The following TULP4 variants were observed in gnomAD, a reference collection of about 807,000 sequenced individuals.
TULP4 encodes the protein TUB like protein 4, also known as tubby-related protein 4.
A neutral mutation model predicts 129.0 loss-of-function variants in TULP4; 16 were observed. The ratio of observed to expected loss-of-function variants is 0.12; its 90% CI spans 0.08 to 0.19. The LOEUF is 0.19. TULP4 is among the 10% of genes least tolerant of loss of function. TULP4 has a pLI of 1.00. For missense variants in TULP4, 1,842 were observed against 2,059.1 expected, an observed-to-expected ratio of 0.89 and a Z score of 2.04; for synonymous variants, 998 against 854.0, an observed-to-expected ratio of 1.17 and a Z score of -2.94.
intron 5 of TULP4, among the ~76,000 whole-genome samples, chr6:158,455,704 T>A (rs1321311084): frequency 6.6e-6 from 1 of 150,826 alleles, no homozygotes; most frequent in African/African-American, 2.4e-5. Flanking sequence ...GCCATTGCAC[T>A]CTAGCCTGGG....
intron 1 of TULP4, among the ~76,000 whole-genome samples, chr6:158,404,670 G>A (rs1318383002): frequency 6.6e-6 from 1 of 151,346 alleles, no homozygotes; most frequent in African/African-American, 2.4e-5. Context: ...CAGCTACTCA[G>A]GAGGCTGAGG....
At chr6:158,239,846 G>A (rs1465324250) in intron 1 of TULP4, among the ~76,000 whole-genome samples, 834 of 48,474 alleles carry the variant, frequency 0.017, no homozygotes, top group African/African-American at 0.024. Flanking sequence ...CGGACGGGGC[G>A]GCTGGCCGGG....
chr6:158,357,145 C>T (rs965678901), intron 1 of TULP4, among the ~76,000 whole-genome samples: 9 of 152,330 alleles, frequency 5.9e-5, no homozygotes, highest in Middle Eastern at 3.4e-3. Context: ...TAGCTTCTCC[C>T]GTCTGCAGCA....
chr6:158,262,074 G>C (rs933768666), intron 1 of TULP4, among the ~76,000 whole-genome samples: 1 of 152,196 alleles, frequency 6.6e-6, no homozygotes, highest in Non-Finnish European at 1.5e-5. Context: ...CTGTTGGTGA[G>C]GAAGAAAGGG....
At chr6:158,304,642 T>C (rs950919309) in intron 1 of TULP4, among the ~76,000 whole-genome samples, 10 of 149,666 alleles carry the variant, frequency 6.7e-5, no homozygotes, top group African/African-American at 2.0e-4. Context: ...AGGGGAAATA[T>C]ATATACCATT....
intron 1 of TULP4, among the ~76,000 whole-genome samples, chr6:158,379,335 C>T (rs1036676392): frequency 6.6e-6 from 1 of 152,156 alleles, no homozygotes; most frequent in Non-Finnish European, 1.5e-5. Flanking sequence ...CCCCAACTCT[C>T]TTGAGGTAGG....
intron 4 of TULP4, among the ~76,000 whole-genome samples, chr6:158,449,972 G>A (rs1386967239): frequency 6.6e-6 from 1 of 151,854 alleles, no homozygotes; most frequent in Non-Finnish European, 1.5e-5. Flanking sequence ...GATCATTTTA[G>A]TTAACATATT....
At chr6:158,432,392 G>A (rs56187861) in intron 3 of TULP4, among the ~76,000 whole-genome samples, 52 of 152,274 alleles carry the variant, frequency 3.4e-4, no homozygotes, top group Non-Finnish European at 6.2e-4. Flanking sequence ...GGCTCTGAAC[G>A]GTGGACATGA....
chr6:158,484,385 AAG>A (rs1330032939), intron 8 of TULP4, among the ~76,000 whole-genome samples: 1 of 151,822 alleles, frequency 6.6e-6, no homozygotes, highest in African/African-American at 2.4e-5. Context: ...TTCTGATCTC[AAG>A]AAATCCTCCT....
upstream of TULP4, among the ~76,000 whole-genome samples, chr6:158,310,726 A>G (rs1256609624): frequency 6.6e-6 from 1 of 152,144 alleles, no homozygotes; most frequent in Non-Finnish European, 1.5e-5. Flanking sequence ...CATTCAAACC[A>G]TGTCACATGG....
At chr6:158,480,907 C>T (rs566918573) in intron 7 of TULP4, 148 bp from the exon 8 acceptor site, 1 of 645,488 alleles carries the variant, frequency 1.5e-6, no homozygotes, top group East Asian at 2.7e-5. Flanking sequence ...TTCTACACCA[C>T]ATAGTTACCC....
chr6:158,502,635 A>C lies in TULP4; in HGVS notation c.2972A>C (p.Asn991Thr). The C allele has an allele frequency of 6.3e-7, 1 of 1,589,782 alleles. No individual in the cohort carries two copies. Among genetic ancestry groups the C allele is most frequent in the Non-Finnish European group, 8.5e-7 (1 of 1,173,310 alleles). Residue 991 changes from asparagine (N) to threonine (T), a missense_variant, in exon 13 of 14, where the codon AAC becomes ACC. By Grantham distance (65) the Asn-to-Thr change is moderately conservative (BLOSUM62 0). Transcript: ENST00000367097. ...SLIHATLRRN[N>T]REATLKMAQL... Reference sequence around the variant, plus strand: ...ATCCACGCTACCCTGCGGAGGAACAACCGTGAGGCTACGCTCAAGATGGCC... The same window carrying C: ...ATCCACGCTACCCTGCGGAGGAACACCCGTGAGGCTACGCTCAAGATGGCC...
At chr6:158,349,925 C>T (rs1288307799) in intron 1 of TULP4, among the ~76,000 whole-genome samples, 51 of 82,912 alleles carry the variant, frequency 6.2e-4, no homozygotes, top group Middle Eastern at 0.014. Context: ...GAGGCACTCC[C>T]CACTTCCCAG....
At chr6:158,486,404 T>G (rs1471218564) in intron 8 of TULP4, among the ~76,000 whole-genome samples, 1 of 152,004 alleles carries the variant, frequency 6.6e-6, no homozygotes, top group South Asian at 2.1e-4. Context: ...ATATAAAAAA[T>G]TAGCCGGGCG....
chr6:158,274,047 C>T (rs1339328080), intron 1 of TULP4, among the ~76,000 whole-genome samples: 3 of 151,938 alleles, frequency 2.0e-5, no homozygotes, highest in East Asian at 3.9e-4. Context: ...ATCATGAGGT[C>T]AGGAGTTCGA....
chr6:158,356,375 GA>G (rs1780648613), intron 1 of TULP4, among the ~76,000 whole-genome samples: 1 of 152,202 alleles, frequency 6.6e-6, no homozygotes, highest in Non-Finnish European at 1.5e-5. Context: ...CCAGGGAAGA[GA>G]ATTTCACAAA....
intron 1 of TULP4, chr6:158,237,267 A>AT (rs1583662099): frequency 9.0e-7 from 1 of 1,110,534 alleles, no homozygotes; most frequent in Non-Finnish European, 1.4e-6. Context: ...TTCTTGCTGT[A>AT]TTACCTTTAT....
intron 3 of TULP4, among the ~76,000 whole-genome samples, chr6:158,444,219 CAAAAAAAAAAA>C (rs71030171): frequency 5.9e-5 from 2 of 34,142 alleles, no homozygotes; most frequent in Non-Finnish European, 1.0e-4. Context: ...GACTCTGTCT[CAAAAAAAAAAA>C]AAAAAAAAAA....
intron 1 of TULP4, among the ~76,000 whole-genome samples, chr6:158,240,326 C>A (rs1159518570): frequency 2.6e-5 from 2 of 76,292 alleles, no homozygotes; most frequent in East Asian, 5.2e-4. Context: ...CCGGACGGGG[C>A]GGCTGGCCGG....
Sources: gnomAD v4.1 joint callset for allele counts (sites outside exome capture counted in the v4.1 genomes callset) on GRCh38, gnomAD v4.1.1 for gene constraint, MANE v1.5 for transcripts, NCBI Gene and HGNC (gene_info 2026-07-23, HGNC 2026-07-21) for gene names.